The following CEP112 variants were observed in gnomAD, a reference collection of about 807,000 sequenced individuals.
CEP112 encodes centrosomal protein of 112 kDa.
CEP112 carries 127 observed loss-of-function variants against 153.0 expected under a neutral mutation model. That is an observed-to-expected ratio of 0.83 (90% CI 0.72 to 0.96). The LOEUF (loss-of-function observed/expected upper bound fraction) is 0.96, where lower values mean the gene tolerates loss of function less well. CEP112 is among the 40% of genes least tolerant of loss of function. The probability of loss-of-function intolerance (pLI) is 0.00; values close to 1 mark genes in which losing one functional copy is unlikely to be tolerated. For synonymous variants in CEP112, 358 were observed against 374.4 expected, an observed-to-expected ratio of 0.96 and a Z score of 0.51; for missense variants, 1,089 against 1,101.2, an observed-to-expected ratio of 0.99 and a Z score of 0.16.
chr17:66,029,139 G>A lies in CEP112; in HGVS notation c.1487C>T (p.Ala496Val). The change falls in exon 14 of 27, where the codon GCT becomes GTT. Residue 496 changes from alanine to valine, a missense_variant. By Grantham distance (64) the Ala-to-Val change is moderately conservative. Transcript: ENST00000535342. ...AAATAATACCTTAGAAGCTGAAAGAGCATGTTCTTGTTTTAGAAGGTTTAT... is the reference window on the plus strand; with the variant it reads ...AAATAATACCTTAGAAGCTGAAAGAACATGTTCTTGTTTTAGAAGGTTTAT... ...ADINLLKQEH[A>V]LSASKASSMI... 1 of 1,601,146 alleles carries A rather than the reference G, an allele frequency of 6.2e-7. No homozygotes were observed. Among genetic ancestry groups the A allele is most frequent in the Non-Finnish European group, 8.5e-7 (1 of 1,170,304 alleles).
At chr17:65,782,332 A>T (rs903392116) in intron 21 of CEP112, among the ~76,000 whole-genome samples, 2 of 152,180 alleles carry the variant, frequency 1.3e-5, no homozygotes, top group Non-Finnish European at 2.9e-5. Context: ...ATTACTAAAA[A>T]GTCAAAAAAC....
intron 4 of CEP112, among the ~76,000 whole-genome samples, chr17:66,161,476 T>G (rs2071702180): frequency 6.6e-6 from 1 of 152,084 alleles, no homozygotes; most frequent in Admixed American, 6.6e-5. Context: ...ATGTGGCACA[T>G]ATACACCATG....
At chr17:65,711,348 T>G (rs965211375) in intron 23 of CEP112, among the ~76,000 whole-genome samples, 1 of 152,176 alleles carries the variant, frequency 6.6e-6, no homozygotes, top group Non-Finnish European at 1.5e-5. Context: ...TTATTTACAT[T>G]TTTCTGGGCC....
intron 8 of CEP112, among the ~76,000 whole-genome samples, chr17:66,085,572 T>C (rs2067890458): frequency 6.6e-6 from 1 of 152,210 alleles, no homozygotes; most frequent in Non-Finnish European, 1.5e-5. Flanking sequence ...AATAGCAAAT[T>C]ATATTCATAA....
chr17:66,051,973 G>T (rs2066461350), intron 12 of CEP112, among the ~76,000 whole-genome samples: 1 of 152,164 alleles, frequency 6.6e-6, no homozygotes, highest in Admixed American at 6.5e-5. Flanking sequence ...TATCTTAGAT[G>T]TGTTCAGAAC....
intron 8 of CEP112, among the ~76,000 whole-genome samples, chr17:66,079,310 G>A (rs990015976): frequency 1.3e-5 from 2 of 151,998 alleles, no homozygotes; most frequent in Non-Finnish European, 2.9e-5. Flanking sequence ...CACACACAAG[G>A]TTATTCATAG....
intron 23 of CEP112, among the ~76,000 whole-genome samples, chr17:65,712,293 C>A (rs758571321): frequency 2.6e-5 from 4 of 152,302 alleles, no homozygotes; most frequent in South Asian, 2.1e-4. Flanking sequence ...CAATTATGAT[C>A]ATTTCTTCTG....
intron 21 of CEP112, among the ~76,000 whole-genome samples, chr17:65,850,044 C>T (rs2146292842): frequency 6.6e-6 from 1 of 151,440 alleles, no homozygotes; most frequent in East Asian, 2.0e-4. Context: ...ATCCCAGCTA[C>T]TCAGGAGGCT....
intron 21 of CEP112, among the ~76,000 whole-genome samples, chr17:65,845,692 C>G (rs1180614044): frequency 1.3e-5 from 2 of 152,174 alleles, no homozygotes; most frequent in Non-Finnish European, 2.9e-5. Flanking sequence ...CTGAAAATTA[C>G]ACACTATCAT....
At chr17:65,855,710 C>T (rs1051270897) in intron 20 of CEP112, among the ~76,000 whole-genome samples, 1 of 152,142 alleles carries the variant, frequency 6.6e-6, no homozygotes, top group African/African-American at 2.4e-5. Flanking sequence ...AAAAGAGACA[C>T]CTAAATAACA....
intron 21 of CEP112, among the ~76,000 whole-genome samples, chr17:65,758,963 A>C (rs1210674052): frequency 6.6e-6 from 1 of 152,190 alleles, no homozygotes; most frequent in Non-Finnish European, 1.5e-5. Flanking sequence ...AGGTTAAGGC[A>C]GTCGAAGTCA....
intron 21 of CEP112, among the ~76,000 whole-genome samples, chr17:65,775,576 C>G (rs1359339597): frequency 1.3e-5 from 2 of 152,024 alleles, no homozygotes; most frequent in African/African-American, 2.4e-5. Context: ...GATCTTGGCT[C>G]ACTGCAACCT....
chr17:65,784,441 A>G (rs1856869913), intron 21 of CEP112, among the ~76,000 whole-genome samples: 1 of 152,006 alleles, frequency 6.6e-6, no homozygotes, highest in African/African-American at 2.4e-5. Context: ...TGGGGAAGCA[A>G]TTTTCTTCCT....
intron 21 of CEP112, among the ~76,000 whole-genome samples, chr17:65,807,026 T>C (rs2055648121): frequency 6.6e-6 from 1 of 152,180 alleles, no homozygotes; most frequent in African/African-American, 2.4e-5. Flanking sequence ...AGAGATTTGT[T>C]AAATGGTTTG....
chr17:66,190,795 A>G (rs78602204), intron 1 of CEP112, among the ~76,000 whole-genome samples: 1 of 152,132 alleles, frequency 6.6e-6, no homozygotes, highest in African/African-American at 2.4e-5. Flanking sequence ...TAACCAAACC[A>G]CAAGTATTAA....
chr17:65,727,839 G>T (rs2050265468), intron 23 of CEP112, among the ~76,000 whole-genome samples: 1 of 152,178 alleles, frequency 6.6e-6, no homozygotes, highest in South Asian at 2.1e-4. Context: ...TCACAGAGGA[G>T]ATGATCTTAG....
At chr17:66,072,672 T>C (rs1271817132) in intron 8 of CEP112, among the ~76,000 whole-genome samples, 2 of 152,282 alleles carry the variant, frequency 1.3e-5, no homozygotes, top group African/African-American at 4.8e-5. Flanking sequence ...GTAACTTGGT[T>C]AAGACAGTGA....
chr17:65,881,998 C>T (rs1045923165), intron 20 of CEP112, among the ~76,000 whole-genome samples: 1 of 152,206 alleles, frequency 6.6e-6, no homozygotes, highest in African/African-American at 2.4e-5. Flanking sequence ...GACTGTGTTC[C>T]TGCTTTTCAT....
chr17:66,175,072 A>C lies in CEP112; in HGVS notation c.442T>G (p.Leu148Val). Residue 148 changes from leucine to valine, a missense_variant, in exon 4 of 27, where the codon TTA (leucine) becomes GTA (valine). Physicochemically the swap from Leu to Val is conservative, Grantham distance 32. Transcript: ENST00000535342. ...TAGACATCAGTTGGCGACTGTACTAAAGTGTTATCTTCTCCAGAAGAGAGT... is the reference window on the plus strand; with the variant it reads ...TAGACATCAGTTGGCGACTGTACTACAGTGTTATCTTCTCCAGAAGAGAGT... ...WKLSSGEDNTLVQSPTDVYSR... is the reference protein window; with the variant it reads ...WKLSSGEDNTVVQSPTDVYSR... The C allele has an allele frequency of 6.2e-7, 1 of 1,611,722 alleles. No individual in the cohort carries two copies. Among genetic ancestry groups the C allele is most frequent in the Non-Finnish European group, 8.5e-7 (1 of 1,178,990 alleles).
Sources: allele counts gnomAD v4.1 joint callset (sites outside exome capture counted in the v4.1 genomes callset), GRCh38; gene constraint gnomAD v4.1.1; transcripts MANE v1.5; gene names NCBI Gene and HGNC (gene_info 2026-07-23, HGNC 2026-07-21).